The following CNTNAP2 variants were observed in gnomAD, a reference collection of about 807,000 sequenced individuals.
CNTNAP2 encodes contactin associated protein 2, also known as contactin-associated protein-like 2.
A neutral mutation model predicts 155.2 loss-of-function variants in CNTNAP2; 98 were observed. That is an observed-to-expected ratio of 0.63 (90% CI 0.54 to 0.75). The LOEUF is 0.75. Ranked by LOEUF, CNTNAP2 falls within the 30% of genes least tolerant of loss-of-function variation. The pLI, the probability that CNTNAP2 is intolerant of heterozygous loss-of-function variation, is 0.00. For missense variants in CNTNAP2, 1,727 were observed against 1,688.1 expected (o/e 1.02, Z -0.40); for synonymous variants, 651 against 631.2 (o/e 1.03, Z -0.47).
At chr7:146,547,375 A>G (rs555587190) in intron 1 of CNTNAP2, among the ~76,000 whole-genome samples, 1 of 151,848 alleles carries the variant, frequency 6.6e-6, no homozygotes. Flanking sequence ...CTTAAGATCT[A>G]TCCTCTTAAA....
intron 17 of CNTNAP2, among the ~76,000 whole-genome samples, chr7:148,158,025 T>C (rs775140617): frequency 1.1e-4 from 17 of 152,116 alleles, no homozygotes; most frequent in Non-Finnish European, 2.2e-4. Context: ...AGTCGGCTGC[T>C]ATCTTCTCAA....
At chr7:146,766,024 T>C (rs2129184683) in intron 1 of CNTNAP2, among the ~76,000 whole-genome samples, 1 of 152,116 alleles carries the variant, frequency 6.6e-6, no homozygotes, top group Non-Finnish European at 1.5e-5. Flanking sequence ...TTGGGCCCAG[T>C]GGAGCTTCGA....
chr7:146,443,102 T>C (rs1639451), intron 1 of CNTNAP2, among the ~76,000 whole-genome samples: 5,393 of 151,516 alleles, frequency 0.036, 336 homozygotes, highest in African/African-American at 0.12. Context: ...TAGTCCCAGC[T>C]ACTAGGGAGG....
intron 1 of CNTNAP2, among the ~76,000 whole-genome samples, chr7:146,144,263 C>T (rs571307484): frequency 4.7e-4 from 72 of 152,174 alleles, no homozygotes; most frequent in Non-Finnish European, 7.9e-4. Flanking sequence ...GTGATCCTCT[C>T]GCCTCAGCCC....
intron 12 of CNTNAP2, among the ~76,000 whole-genome samples, chr7:147,573,265 G>A (rs906242674): frequency 4.6e-5 from 7 of 152,092 alleles, no homozygotes; most frequent in African/African-American, 7.2e-5. Flanking sequence ...CTGCATTTAC[G>A]TACAGACAAT....
At chr7:147,009,887 T>C (rs1798592060) in intron 3 of CNTNAP2, among the ~76,000 whole-genome samples, 2 of 152,142 alleles carry the variant, frequency 1.3e-5, no homozygotes, top group South Asian at 4.1e-4. Flanking sequence ...TATAGATGTA[T>C]ATGAAAATAC....
chr7:146,401,868 T>G (rs1458001589), intron 1 of CNTNAP2, among the ~76,000 whole-genome samples: 1 of 152,156 alleles, frequency 6.6e-6, no homozygotes, highest in African/African-American at 2.4e-5. Context: ...CCAAGTAACA[T>G]CTCCAGTCTG....
intron 20 of CNTNAP2, among the ~76,000 whole-genome samples, chr7:148,261,230 G>A (rs533391769): frequency 1.3e-5 from 2 of 151,946 alleles, no homozygotes; most frequent in South Asian, 2.1e-4. Context: ...GCACCATCTC[G>A]GCTCACTGCA....
intron 1 of CNTNAP2, among the ~76,000 whole-genome samples, chr7:146,352,993 A>G (rs1329063872): frequency 6.6e-6 from 1 of 151,962 alleles, no homozygotes; most frequent in African/African-American, 2.4e-5. Context: ...TGACCTCGTG[A>G]TCTGCCCACC....
At chr7:146,697,324 G>C in intron 1 of CNTNAP2, among the ~76,000 whole-genome samples, 1 of 151,708 alleles carries the variant, frequency 6.6e-6, no homozygotes, top group East Asian at 1.9e-4. Context: ...TGCAACCTCT[G>C]TCTCCTGGGC....
chr7:147,736,640 C>A (rs1481891347), intron 13 of CNTNAP2, among the ~76,000 whole-genome samples: 1 of 152,094 alleles, frequency 6.6e-6, no homozygotes, highest in African/African-American at 2.4e-5. Flanking sequence ...TCCATTCTTC[C>A]CGTCACTTTC....
At chr7:148,062,835 G>A (rs1431267724) in intron 15 of CNTNAP2, among the ~76,000 whole-genome samples, 1 of 152,072 alleles carries the variant, frequency 6.6e-6, no homozygotes, top group Non-Finnish European at 1.5e-5. Context: ...AAAACTTGAA[G>A]TTATAGTAGG....
intron 8 of CNTNAP2, among the ~76,000 whole-genome samples, chr7:147,189,888 G>T (rs1802645255): frequency 6.6e-6 from 1 of 151,986 alleles, no homozygotes; most frequent in Non-Finnish European, 1.5e-5. Flanking sequence ...GGGACTACAG[G>T]TGCCCGCCAC....
chr7:147,824,449 ATAC>A (rs925489233), intron 13 of CNTNAP2, among the ~76,000 whole-genome samples: 18 of 152,262 alleles, frequency 1.2e-4, no homozygotes, highest in African/African-American at 4.1e-4. Flanking sequence ...GAAGTTCCAA[ATAC>A]TACAGAATTT....
intron 23 of CNTNAP2, among the ~76,000 whole-genome samples, chr7:148,413,714 C>G (rs923677495): frequency 6.6e-6 from 1 of 151,944 alleles, no homozygotes. Context: ...AATTGTCCTA[C>G]CAGTTCTGCC....
At chr7:148,156,948 T>G (rs961045017) in intron 17 of CNTNAP2, among the ~76,000 whole-genome samples, 1 of 152,100 alleles carries the variant, frequency 6.6e-6, no homozygotes, top group Non-Finnish European at 1.5e-5. Context: ...GAGAATAGGG[T>G]CTGGAGGCAG....
chr7:148,250,904 G>A (rs1217148913), intron 20 of CNTNAP2, among the ~76,000 whole-genome samples: 1 of 152,182 alleles, frequency 6.6e-6, no homozygotes, highest in Non-Finnish European at 1.5e-5. Flanking sequence ...CTGGAGTGCA[G>A]TCACACAATC....
At chr7:147,452,482 A>T (rs969775031) in intron 10 of CNTNAP2, among the ~76,000 whole-genome samples, 1 of 152,292 alleles carries the variant, frequency 6.6e-6, no homozygotes, top group African/African-American at 2.4e-5. Flanking sequence ...CATTTCTTTA[A>T]ATCTAATTAA....
intron 13 of CNTNAP2, among the ~76,000 whole-genome samples, chr7:147,850,190 CT>C (rs1476637953): frequency 6.6e-6 from 1 of 152,108 alleles, no homozygotes; most frequent in Non-Finnish European, 1.5e-5. Flanking sequence ...AATAAAACAG[CT>C]AGGAATCCAA....
Sources: gnomAD v4.1 joint callset for allele counts (sites outside exome capture counted in the v4.1 genomes callset) on GRCh38, gnomAD v4.1.1 for gene constraint, MANE v1.5 for transcripts, NCBI Gene and HGNC (gene_info 2026-07-23, HGNC 2026-07-21) for gene names.